NCOA1: variants seen among roughly 807,000 people sequenced by gnomAD.
NCOA1 encodes Hin-2 protein.
NCOA1 carries 35 observed loss-of-function variants against 150.9 expected under a neutral mutation model. That is an observed-to-expected ratio of 0.23 (90% CI 0.18 to 0.31). NCOA1 has a LOEUF of 0.31. Among genes scored for constraint, NCOA1 ranks in the 10% least tolerant of loss-of-function variants. NCOA1 has a pLI of 1.00. For synonymous variants in NCOA1, 590 were observed against 630.0 expected (o/e 0.94, Z 0.95); for missense variants, 1,491 against 1,749.3 (o/e 0.85, Z 2.63).
At chr2:24,734,339 C>G (rs1210785825) in intron 17 of NCOA1, among the ~76,000 whole-genome samples, 1 of 151,986 alleles carries the variant, frequency 6.6e-6, no homozygotes, top group Admixed American at 6.6e-5. Flanking sequence ...ACAGTTGTTC[C>G]AAATTCAATC....
chr2:24,623,836 G>T (rs192364349), intron 3 of NCOA1, among the ~76,000 whole-genome samples: 1 of 152,094 alleles, frequency 6.6e-6, no homozygotes, highest in Non-Finnish European at 1.5e-5. Context: ...ATTGGACTGG[G>T]GCTCCACCCT....
Position 24,516,825 on chromosome 2 carries a change from C to CTTT in NCOA1, c.-396+25236_-396+25238dup, listed in dbSNP as rs200648189. ...TACTTTCCTATTTCTATCCAGCTTT[C>CTTT]TTTTTTTTTTTTTTTCATTTTAAAA... On this transcript the variant is annotated intron_variant, in intron 1 of 22. Transcript: ENST00000348332. 2.5e-4 allele frequency among the ~76,000 whole-genome samples: 29 copies of CTTT among 115,810 alleles called. No individual in the cohort carries two copies. In the East Asian group the frequency reaches 3.0e-3, roughly 12 times the overall value. The allele number at this position is 115,810 out of a possible 152,430, so 76.0% of individuals were successfully genotyped here.
chr2:24,661,292 C>T (rs1671173940), intron 5 of NCOA1, among the ~76,000 whole-genome samples: 1 of 152,020 alleles, frequency 6.6e-6, no homozygotes, highest in Non-Finnish European at 1.5e-5. Context: ...TGGTCTTTTA[C>T]TCATTTATAT....
intron 2 of NCOA1, among the ~76,000 whole-genome samples, chr2:24,575,996 G>A (rs1419122843): frequency 6.6e-6 from 1 of 152,104 alleles, no homozygotes; most frequent in Admixed American, 6.5e-5. Context: ...GGAGCAGTGA[G>A]TAGACTTTTC....
At chr2:24,615,268 A>G (rs1668825193) in intron 3 of NCOA1, among the ~76,000 whole-genome samples, 1 of 152,244 alleles carries the variant, frequency 6.6e-6, no homozygotes, top group African/African-American at 2.4e-5. Context: ...CTCAGTTTAC[A>G]GTCAGATAGA....
intron 1 of NCOA1, among the ~76,000 whole-genome samples, chr2:24,544,854 TAAAA>T (rs1452686298): frequency 5.9e-5 from 9 of 152,194 alleles, no homozygotes; most frequent in African/African-American, 2.2e-4. Flanking sequence ...ATATTGGGAT[TAAAA>T]AAATAAGTAA....
intron 7 of NCOA1, 26 bp downstream of exon 7, chr2:24,673,489 G>T: frequency 6.7e-7 from 1 of 1,497,062 alleles, no homozygotes; most frequent in South Asian, 1.3e-5. Context: ...GACTCAGAAA[G>T]TGATTAAAAT....
At chr2:24,708,209 C>T (rs1673557793) in intron 13 of NCOA1, among the ~76,000 whole-genome samples, 1 of 152,214 alleles carries the variant, frequency 6.6e-6, no homozygotes, top group Admixed American at 6.5e-5. Flanking sequence ...GAATCTAACT[C>T]TCTAGGAATA....
intron 21 of NCOA1, among the ~76,000 whole-genome samples, chr2:24,759,636 C>T (rs1664675668): frequency 6.6e-6 from 1 of 152,114 alleles, no homozygotes. Context: ...TAGGCTATTA[C>T]CATGCAGCCA....
At chr2:24,716,439 GTAAT>G (rs1229242822) in intron 14 of NCOA1, among the ~76,000 whole-genome samples, 1 of 151,958 alleles carries the variant, frequency 6.6e-6, no homozygotes, top group African/African-American at 2.4e-5. Flanking sequence ...AGACACCAAG[GTAAT>G]TAAACAAAGA....
intron 1 of NCOA1, among the ~76,000 whole-genome samples, chr2:24,525,930 A>G (rs1470197194): frequency 6.6e-6 from 1 of 152,100 alleles, no homozygotes; most frequent in Non-Finnish European, 1.5e-5. Flanking sequence ...GCTCTCTGAA[A>G]TTGCACAGGA....
Position 24,711,018 on chromosome 2 carries a change from A to T in NCOA1, c.2506A>T (p.Met836Leu). 1 of 1,614,186 alleles carries T rather than the reference A, an allele frequency of 6.2e-7. No individual in the cohort carries two copies. Among genetic ancestry groups the T allele is most frequent in the Non-Finnish European group, 8.5e-7 (1 of 1,180,022 alleles). Reference sequence around the variant, plus strand: ...GCCAGGCTTATGTGAGACAGACAGGATGGATGGTGCGGTCACCAGTGTAAC... The same window carrying T: ...GCCAGGCTTATGTGAGACAGACAGGTTGGATGGTGCGGTCACCAGTGTAAC... ...QLPGLCETDRMDGAVTSVTIK... is the reference protein window; with the variant it reads ...QLPGLCETDRLDGAVTSVTIK... The change falls in exon 14 of 23, where the codon ATG becomes TTG. Residue 836 changes from methionine to leucine, a missense_variant. Coordinates refer to ENST00000348332, the MANE Select transcript of NCOA1 (RefSeq NM_003743.5).
In NCOA1 at chr2:24,707,265, G is replaced by C. The variant is rs779622666; in HGVS notation, c.1795G>C (p.Asp599His). Residue 599 changes from aspartate to histidine, a missense_variant, in exon 13 of 23, where the codon GAC (aspartate) becomes CAC (histidine). Physicochemically the swap from Asp to His is moderately conservative, Grantham distance 81. Transcript: ENST00000348332. Reference protein sequence around the residue: ...ASILNEMIQSDNSSSDGKPLD... With the variant: ...ASILNEMIQSHNSSSDGKPLD... ...AATTTTAAATGAAATGATTCAATCT[G>C]ACAACAGCTCTAGTGATGGCAAACC... The C allele has an allele frequency of 6.2e-7, 1 of 1,614,194 alleles. No individual in the cohort carries two copies. Among genetic ancestry groups the C allele is most frequent in the Non-Finnish European group, 8.5e-7 (1 of 1,180,038 alleles).
At chr2:24,766,175 G>A (rs2148707289) in intron 22 of NCOA1, among the ~76,000 whole-genome samples, 1 of 152,220 alleles carries the variant, frequency 6.6e-6, no homozygotes, top group African/African-American at 2.4e-5. Flanking sequence ...GCTAGAATTA[G>A]AGGCATGAGC....
At chr2:24,648,193 G>GT (rs1670559922) in intron 4 of NCOA1, among the ~76,000 whole-genome samples, 1 of 151,954 alleles carries the variant, frequency 6.6e-6, no homozygotes, top group Non-Finnish European at 1.5e-5. Flanking sequence ...AATGAATCAA[G>GT]TAAGATGACT....
At chr2:24,496,575 TTCTC>T (rs970866530) in intron 1 of NCOA1, among the ~76,000 whole-genome samples, 54 of 152,320 alleles carry the variant, frequency 3.5e-4, no homozygotes, top group African/African-American at 1.2e-3. Context: ...AAACTTCTCT[TTCTC>T]TCTCTTTCTT....
chr2:24,624,652 G>A (rs368195679), intron 3 of NCOA1, among the ~76,000 whole-genome samples: 2 of 152,162 alleles, frequency 1.3e-5, no homozygotes, highest in South Asian at 4.1e-4. Context: ...TTTTGTTGAT[G>A]AATGGCAGAT....
chr2:24,691,624 G>C lies in NCOA1; in HGVS notation c.676G>C (p.Val226Leu). The change falls in exon 9 of 23, where the codon GTG (valine) becomes CTG (leucine). Residue 226 changes from valine to leucine, a missense_variant. By Grantham distance (32) the Val-to-Leu change is conservative. This residue lies in a region of NCOA1 where 99 missense variants were observed against 122.8 expected (regional missense o/e 0.81). Transcript: ENST00000348332. ...TTATGAAGTAATGCAGTGTTTCACTGTGTCACAGCCAAAATCAATTCAAGA... is the reference window on the plus strand; with the variant it reads ...TTATGAAGTAATGCAGTGTTTCACTCTGTCACAGCCAAAATCAATTCAAGA... The part of the protein sequence containing the change: ...QRYEVMQCFT[V>L]SQPKSIQEDG... 6.2e-7 allele frequency: 1 copy of C among 1,614,022 alleles called. No homozygotes were observed. The highest frequency in any genetic ancestry group is 8.5e-7 in the Non-Finnish European group (1 of 1,179,924).
intron 11 of NCOA1, among the ~76,000 whole-genome samples, chr2:24,700,687 A>T (rs756780234): frequency 4.6e-5 from 7 of 152,184 alleles, no homozygotes; most frequent in Non-Finnish European, 1.0e-4. Flanking sequence ...GTTTGGAAAA[A>T]GTTCCCAGGT....
Sources: allele counts gnomAD v4.1 joint callset (sites outside exome capture counted in the v4.1 genomes callset), GRCh38; gene constraint gnomAD v4.1.1; regional missense constraint gnomAD v4.1.1; transcripts MANE v1.5; gene names NCBI Gene and HGNC (gene_info 2026-07-23, HGNC 2026-07-21).